CBLN2: variants seen among roughly 807,000 people sequenced by gnomAD.
CBLN2 encodes cerebellin-2.
A neutral mutation model predicts 15.0 loss-of-function variants in CBLN2; 7 were observed. That is an observed-to-expected ratio of 0.47 (90% CI 0.27 to 0.88). The LOEUF is 0.88. Among genes scored for constraint, CBLN2 ranks in the 40% least tolerant of loss-of-function variants. The pLI, the probability that CBLN2 is intolerant of heterozygous loss-of-function variation, is 0.14. For missense variants in CBLN2, 242 were observed against 304.5 expected, an observed-to-expected ratio of 0.79 and a Z score of 1.53; for synonymous variants, 149 against 135.2, an observed-to-expected ratio of 1.10 and a Z score of -0.71.
chr18:72,625,002 T>C (rs1036023283), intron 1 of CBLN2, among the ~76,000 whole-genome samples: 1 of 152,092 alleles, frequency 6.6e-6, no homozygotes, highest in Non-Finnish European at 1.5e-5. Flanking sequence ...AAAAACAAAA[T>C]TGTTTTCCCA....
intron 1 of CBLN2, among the ~76,000 whole-genome samples, chr18:72,633,467 G>C (rs146563749): frequency 6.6e-6 from 1 of 152,280 alleles, no homozygotes; most frequent in East Asian, 1.9e-4. Context: ...CAGGATAGTA[G>C]CTAGCTTAAA....
intron 1 of CBLN2, among the ~76,000 whole-genome samples, chr18:72,637,041 C>CAAAA (rs113009406): frequency 1.9e-3 from 239 of 127,596 alleles, no homozygotes; most frequent in African/African-American, 5.9e-3. Flanking sequence ...AACAAAACTG[C>CAAAA]AAAAAAAAAA....
intron 1 of CBLN2, among the ~76,000 whole-genome samples, chr18:72,554,662 A>G (rs2069213063): frequency 1.3e-5 from 2 of 152,132 alleles, no homozygotes; most frequent in African/African-American, 4.8e-5. Context: ...CTGCAAAGAA[A>G]AAAAAAACTA....
intron 1 of CBLN2, among the ~76,000 whole-genome samples, chr18:72,632,653 G>A (rs557206802): frequency 1.3e-5 from 2 of 152,242 alleles, no homozygotes; most frequent in Admixed American, 6.5e-5. Context: ...ACCAGGTGAA[G>A]TCCAAACTCC....
At chr18:72,629,085 G>A (rs1049587546) in intron 1 of CBLN2, among the ~76,000 whole-genome samples, 2 of 152,126 alleles carry the variant, frequency 1.3e-5, no homozygotes, top group African/African-American at 4.8e-5. Context: ...AAACTAAGCT[G>A]TTCCAGTCCC....
At chr18:72,573,567 G>A (rs894350767) in intron 1 of CBLN2, among the ~76,000 whole-genome samples, 1 of 152,050 alleles carries the variant, frequency 6.6e-6, no homozygotes, top group Non-Finnish European at 1.5e-5. Context: ...TTTCAGATTG[G>A]CCTCTTTTAC....
chr18:72,538,078 G>A lies in CBLN2; in HGVS notation c.*98C>T, dbSNP rs538653467. The A allele has an allele frequency of 8.4e-7, 1 of 1,193,130 alleles. No homozygotes were observed. The highest frequency in any genetic ancestry group is 1.8e-5 in the Admixed American group (1 of 54,272). The allele number at this position is 1,193,130 out of a possible 1,614,324, so 73.9% of individuals were successfully genotyped here. A position where few individuals can be genotyped will look rare whatever the true frequency, so the allele number is the denominator to read the frequency against. ...CTACTGCAACAGTCTGACGGAGGTT[G>A]GAAACAAGGTGTCCAATTCCAGTAA... On this transcript the variant is annotated 3_prime_UTR_variant, in exon 5 of 5. Transcript: ENST00000269503.
At chr18:72,623,547 G>C (rs892418063) in intron 1 of CBLN2, among the ~76,000 whole-genome samples, 24 of 152,152 alleles carry the variant, frequency 1.6e-4, no homozygotes, top group African/African-American at 5.1e-4. Context: ...CCTGGAAGCT[G>C]TCTCTGGATC....
chr18:72,625,818 CTATATA>C lies in CBLN2; in HGVS notation c.15+12501_15+12506del, dbSNP rs56391046. Among the ~76,000 whole-genome samples the C allele has an allele frequency of 8.3e-3, 477 of 57,354 alleles. 3 individuals are homozygous for C. Among genetic ancestry groups the C allele is most frequent in the African/African-American group, 0.026 (402 of 15,668 alleles). The allele number at this position is 57,354 out of a possible 152,430, so 37.6% of individuals were successfully genotyped here. On this transcript the variant is annotated intron_variant, in intron 1 of 2. Transcript: ENST00000581073. ...TCTCTCTCTCTCTCTCTCTCTCTCT[CTATATA>C]TATATATATATATATATATAGTACA... is the stretch of plus-strand genomic sequence containing the variant.
intron 1 of CBLN2, among the ~76,000 whole-genome samples, chr18:72,632,381 T>C (rs2069783039): frequency 6.6e-6 from 1 of 152,158 alleles, no homozygotes; most frequent in Admixed American, 6.6e-5. Flanking sequence ...TTAATTGAAG[T>C]CAAAAATAAA....
At chr18:72,572,039 C>A (rs2069335539) in intron 1 of CBLN2, among the ~76,000 whole-genome samples, 2 of 152,160 alleles carry the variant, frequency 1.3e-5, no homozygotes, top group Non-Finnish European at 2.9e-5. Context: ...AACATTGAGA[C>A]TGTGCTCTCT....
At chr18:72,572,333 T>C (rs1018576867) in intron 1 of CBLN2, among the ~76,000 whole-genome samples, 1 of 152,204 alleles carries the variant, frequency 6.6e-6, no homozygotes, top group African/African-American at 2.4e-5. Context: ...AATACGAATA[T>C]ATTTTCAGAA....
intron 1 of CBLN2, among the ~76,000 whole-genome samples, chr18:72,572,143 C>T (rs1347384798): frequency 2.0e-5 from 3 of 152,128 alleles, no homozygotes; most frequent in Admixed American, 2.0e-4. Flanking sequence ...GCTGGTCATT[C>T]CTCCCCATCT....
At chr18:72,636,271 A>T (rs1445859380) in intron 1 of CBLN2, among the ~76,000 whole-genome samples, 4 of 152,244 alleles carry the variant, frequency 2.6e-5, no homozygotes, top group Non-Finnish European at 4.4e-5. Context: ...ATTTTTACAT[A>T]AGCAAGCATC....
At chr18:72,601,765 G>A (rs1033914796) in intron 1 of CBLN2, among the ~76,000 whole-genome samples, 1 of 152,080 alleles carries the variant, frequency 6.6e-6, no homozygotes, top group African/African-American at 2.4e-5. Context: ...GCCTATAACT[G>A]CCCCAGCCTA....
intron 1 of CBLN2, among the ~76,000 whole-genome samples, chr18:72,612,456 C>T (rs180706676): frequency 1.3e-5 from 2 of 152,138 alleles, no homozygotes; most frequent in South Asian, 4.2e-4. Flanking sequence ...TGATTGCAGG[C>T]TCCCCACCTT....
At position 72,635,389 on chromosome 18, in the gene CBLN2, C is replaced by T. The variant is rs557680146; in HGVS notation, c.15+2936G>A. 1.2e-4 allele frequency among the ~76,000 whole-genome samples: 19 copies of T among 152,148 alleles called. No homozygotes were observed. The South Asian group carries it at 3.9e-3, about 32-fold the overall frequency. On this transcript the variant is annotated intron_variant, in intron 1 of 2. Transcript: ENST00000581073. ...TTTCTTATATTCTACAGGATGGAGG[C>T]TAGAGTTAACAAGCACAAGAATGAA... is the stretch of plus-strand genomic sequence containing the variant.
upstream of CBLN2, among the ~76,000 whole-genome samples, chr18:72,548,314 G>A (rs1196238589): frequency 2.0e-5 from 3 of 152,176 alleles, no homozygotes; most frequent in Non-Finnish European, 4.4e-5. Context: ...GATCTAGATC[G>A]AATAGGACCT....
chr18:72,563,522 T>C (rs1414675604), intron 1 of CBLN2, among the ~76,000 whole-genome samples: 2 of 152,052 alleles, frequency 1.3e-5, no homozygotes, highest in African/African-American at 2.4e-5. Context: ...ACGAGAGCAC[T>C]GGCGTACAGC....
Sources: gnomAD v4.1 joint callset for allele counts (sites outside exome capture counted in the v4.1 genomes callset) on GRCh38, gnomAD v4.1.1 for gene constraint, MANE v1.5 for transcripts, NCBI Gene and HGNC (gene_info 2026-07-23, HGNC 2026-07-21) for gene names.